MYH4: variants seen among roughly 807,000 people sequenced by gnomAD.
MYH4 encodes the protein myosin heavy chain 4.
MYH4 carries 200 observed loss-of-function variants against 229.9 expected under a neutral mutation model. That is an observed-to-expected ratio of 0.87 (90% CI 0.78 to 0.98). The LOEUF (loss-of-function observed/expected upper bound fraction) is 0.98. Ranked by LOEUF, MYH4 falls within the 50% of genes least tolerant of loss-of-function variation. MYH4 has a pLI of 0.00. For synonymous variants in MYH4, 761 were observed against 834.6 expected (o/e 0.91, Z 1.52); for missense variants, 2,148 against 2,332.6 (o/e 0.92, Z 1.63).
At chr17:10,453,026 T>A in intron 24 of MYH4, 94 bp from the exon 25 acceptor site, 6 of 1,584,230 alleles carry the variant, frequency 3.8e-6, no homozygotes, top group Non-Finnish European at 5.2e-6. Flanking sequence ...AATTTAAAGA[T>A]ACAACAAATA....
In MYH4 at chr17:10,454,786, G is replaced by A. The variant is rs751355983; in HGVS notation, c.2460C>T (p.Tyr820=). 8 of 1,614,116 alleles carry A rather than the reference G, an allele frequency of 5.0e-6. No individual in the cohort carries two copies. In the South Asian group the frequency reaches 7.7e-5, roughly 16 times the overall value. The change falls in exon 22 of 40, where the codon TAC becomes TAT. Residue 820 remains tyrosine, a synonymous_variant. Transcript: ENST00000255381. ...ERRESIFCIQ[Y]NIRAFMNVKH... ...TCACATTCATGAAAGCACGGATGTT[G>A]TACTGAATGCAGAAGATGGACTCTC...
At chr17:10,449,103 C>A in intron 30 of MYH4, 56 bp from the exon 31 acceptor site, 1 of 1,494,456 alleles carries the variant, frequency 6.7e-7, no homozygotes, top group Non-Finnish European at 9.2e-7. Context: ...ACCACAGTGC[C>A]CTTTATAAAG....
intron 14 of MYH4, 136 bp from the exon 15 acceptor site, chr17:10,459,557 T>C: frequency 6.9e-7 from 1 of 1,447,638 alleles, no homozygotes; most frequent in East Asian, 2.4e-5. Context: ...TCCTATTATA[T>C]AGTTCTAAAC....
intron 15 of MYH4, among the ~76,000 whole-genome samples, chr17:10,458,193 A>G (rs542145856): frequency 1.9e-4 from 29 of 152,262 alleles, no homozygotes; most frequent in Admixed American, 6.5e-4. Context: ...ACTTTAACCT[A>G]TATTCTCTAC....
Position 10,452,973 on chromosome 17 carries a change from A to G in MYH4, c.3112-41T>C, listed in dbSNP as rs374111091. On this transcript the variant is annotated intron_variant, in intron 24 of 39. Coordinates refer to ENST00000255381, the MANE Select transcript of MYH4 (RefSeq NM_017533.2). ...ATTTTATTTATTTCAGCTCTTAAGC[A>G]CTGAACCCTATGCTAGTAGCCTTCA... is the stretch of plus-strand genomic sequence containing the variant. 67 of 1,596,432 alleles carry G rather than the reference A, an allele frequency of 4.2e-5. No homozygotes were observed. The Middle Eastern group carries it at 8.3e-4, about 20-fold the overall frequency.
chr17:10,466,358 A>T lies in MYH4; in HGVS notation c.263T>A (p.Ile88Asn). The change falls in exon 4 of 40, where the codon ATC (isoleucine) becomes AAC (asparagine). Residue 88 changes from isoleucine (I) to asparagine (N), a missense_variant. Ile to Asn is a moderately radical substitution (Grantham distance 149). Transcript: ENST00000255381. ...FSMNPPKYDK[I>N]EDMAMMTHLH... ...GTGAGTCATCATGGCCATGTCCTCG[A>T]TCTTGTCATATTTGGGAGGGTTCAT... 1 of 1,614,148 alleles carries T rather than the reference A, an allele frequency of 6.2e-7. No individual in the cohort carries two copies. The highest frequency in any genetic ancestry group is 8.5e-7 in the Non-Finnish European group (1 of 1,180,014).
chr17:10,463,288 A>G (rs758159024), intron 9 of MYH4, 50 bp downstream of exon 9: 8 of 1,548,864 alleles, frequency 5.2e-6, no homozygotes, highest in Admixed American at 1.8e-5. Context: ...ATTTTCTAAT[A>G]TGTACCCACA....
chr17:10,448,620 T>G lies in MYH4; in HGVS notation c.4529A>C (p.Gln1510Pro). ...ETLKRENKNL[Q>P]QEISDLTEQI... Reference sequence around the variant, plus strand: ...ATAGAATGATTACAGTGACTCACGTTGTAAGTTCTTATTCTCTCGCTTTAG... The same window carrying G: ...ATAGAATGATTACAGTGACTCACGTGGTAAGTTCTTATTCTCTCGCTTTAG... The change falls in exon 32 of 40, where the codon CAA becomes CCA. Residue 1510 changes from glutamine (Q) to proline (P), a missense_variant and splice_region_variant. By Grantham distance (76) the Gln-to-Pro change is moderately conservative (BLOSUM62 -1). Transcript: ENST00000255381. 1 of 1,613,400 alleles carries G rather than the reference T, an allele frequency of 6.2e-7. No homozygotes were observed. The highest frequency in any genetic ancestry group is 8.5e-7 in the Non-Finnish European group (1 of 1,179,762).
At position 10,443,324 on chromosome 17, in the gene MYH4, A is replaced by G. The variant is rs1203831096; in HGVS notation, c.*51T>C. The G allele has an allele frequency of 6.9e-6, 11 of 1,589,140 alleles. No homozygotes were observed. The highest frequency in any genetic ancestry group is 9.5e-6 in the Non-Finnish European group (11 of 1,160,222). On this transcript the variant is annotated 3_prime_UTR_variant, in exon 40 of 40. Transcript: ENST00000255381. This position sits in a 1 kb window ranked among gnomAD's most constrained non-coding sequence, Gnocchi z 4.6. Reference sequence around the variant, plus strand: ...TTGATATACAGGACAGTGACAAAGAACTTCACATTTCGTGCATTTCTTTGG... The same window carrying G: ...TTGATATACAGGACAGTGACAAAGAGCTTCACATTTCGTGCATTTCTTTGG...
Position 10,461,146 on chromosome 17 carries a change from C to T in MYH4, c.1009-92G>A, listed in dbSNP as rs142108423. 138 of 1,425,688 alleles carry T rather than the reference C, an allele frequency of 9.7e-5. No homozygotes were observed. The African/African-American group carries it at 1.3e-3, about 14-fold the overall frequency. The allele number at this position is 1,425,688 out of a possible 1,614,324, so 88.3% of individuals were successfully genotyped here. On this transcript the variant is annotated intron_variant, in intron 11 of 39. Coordinates refer to ENST00000255381, the MANE Select transcript of MYH4 (RefSeq NM_017533.2). ...GCTGTCTCCCACTTTTTTCTCATCA[C>T]GCCTTGCCTTATATTTGACTAGCAC... is the stretch of plus-strand genomic sequence containing the variant.
At chr17:10,467,849 G>A (rs1002284455) in intron 2 of MYH4, among the ~76,000 whole-genome samples, 6 of 152,212 alleles carry the variant, frequency 3.9e-5, no homozygotes, top group African/African-American at 1.4e-4. Flanking sequence ...AGGACAGGGT[G>A]AGTGGCCAGA....
Position 10,445,288 on chromosome 17 carries a change from G to A in MYH4, c.5244C>T (p.Ile1748=), listed in dbSNP as rs149221663. ...CCTCTGCATTGCGGGCTTCCTGGAC[G>A]ATGTCCTCCATCTCTCCCTGGATTT... ...ISQIQGEMED[I]VQEARNAEEK... The change falls in exon 36 of 40, where the codon ATC becomes ATT. Residue 1748 remains isoleucine, a synonymous_variant. Transcript: ENST00000255381. The A allele has an allele frequency of 3.4e-5, 55 of 1,614,098 alleles. No homozygotes were observed. Among genetic ancestry groups the A allele is most frequent in the Middle Eastern group, 1.7e-4 (1 of 6,060 alleles).
At chr17:10,462,073 C>A (rs1279383691) in intron 11 of MYH4, among the ~76,000 whole-genome samples, 1 of 152,192 alleles carries the variant, frequency 6.6e-6, no homozygotes, top group South Asian at 2.1e-4. Flanking sequence ...TATAAAGCCA[C>A]ACAAATGAAT....
intron 22 of MYH4, 116 bp from the exon 23 acceptor site, chr17:10,454,001 T>G (rs906049071): frequency 7.4e-6 from 10 of 1,358,984 alleles, no homozygotes; most frequent in South Asian, 1.4e-5. Context: ...GTATACCAGT[T>G]GCTAACTTTT....
rs1323192898 is a variant in MYH4, at chr17:10,448,691, G to T, written c.4458C>A (p.Phe1486Leu). 1.2e-6 allele frequency: 2 copies of T among 1,613,980 alleles called. No homozygotes were observed. Among genetic ancestry groups the T allele is most frequent in the East Asian group, 4.5e-5 (2 of 44,902 alleles). The change falls in exon 32 of 40, where the codon TTC (phenylalanine) becomes TTA (leucine). Residue 1486 changes from phenylalanine to leucine, a missense_variant. Phe to Leu is a conservative substitution (Grantham distance 22). Coordinates refer to ENST00000255381, the MANE Select transcript of MYH4 (RefSeq NM_017533.2). Reference sequence around the variant, plus strand: ...ATTCCTCGTAGGCATTCTTCACCTTGAACAGCTCAGTGCTGAGAGAACGCG... The same window carrying T: ...ATTCCTCGTAGGCATTCTTCACCTTTAACAGCTCAGTGCTGAGAGAACGCG... Reference protein sequence around the residue: ...KESRSLSTELFKVKNAYEESL... With the variant: ...KESRSLSTELLKVKNAYEESL...
chr17:10,449,555 C>T (rs1445335373), intron 30 of MYH4, among the ~76,000 whole-genome samples: 3 of 152,146 alleles, frequency 2.0e-5, no homozygotes, highest in Non-Finnish European at 4.4e-5. Context: ...AAGCATATCA[C>T]CAAGGAATGG....
Position 10,463,541 on chromosome 17 carries a change from A to G in MYH4, c.741+10T>C, listed in dbSNP as rs111771878. On this transcript the variant is annotated intron_variant, in intron 8 of 39. Coordinates refer to ENST00000255381, the MANE Select transcript of MYH4 (RefSeq NM_017533.2). ...CTGATCCTCAAGAAAATGAAGATCA[A>G]GAGACTTACAAAGCGAGAGGAGTTG... The G allele has an allele frequency of 6.1e-4, 976 of 1,608,454 alleles. 6 individuals carry two copies. In the African/African-American group the frequency reaches 0.012, roughly 19 times the overall value.
intron 35 of MYH4, among the ~76,000 whole-genome samples, chr17:10,445,600 G>A (rs529886140): frequency 6.6e-6 from 1 of 152,076 alleles, no homozygotes; most frequent in Non-Finnish European, 1.5e-5. Flanking sequence ...ATTGCCATTT[G>A]TAAGCATGAA....
Position 10,451,932 on chromosome 17 carries a change from A to G in MYH4, c.3738+9T>C. 1 of 1,590,656 alleles carries G rather than the reference A, an allele frequency of 6.3e-7. No individual in the cohort carries two copies. ...AATAAAGATGAAAAGGGCACAAGTT[A>G]ATGAAGACCTTGGCTTTGGAGACAG... On this transcript the variant is annotated intron_variant, in intron 27 of 39. Transcript: ENST00000255381.
Sources: allele counts gnomAD v4.1 joint callset (sites outside exome capture counted in the v4.1 genomes callset), GRCh38; gene constraint gnomAD v4.1.1; non-coding constraint Gnocchi (gnomAD v3.1); transcripts MANE v1.5; gene names NCBI Gene and HGNC (gene_info 2026-07-23, HGNC 2026-07-21).